Variants in STXBP6 observed in about 807,000 individuals in gnomAD.
STXBP6 encodes the protein syntaxin-binding protein 6.
Under a neutral mutation model 26.9 loss-of-function variants are expected in STXBP6, and 21 were observed. The ratio of observed to expected loss-of-function variants is 0.78; its 90% CI spans 0.55 to 1.12. The LOEUF (loss-of-function observed/expected upper bound fraction) is 1.12. STXBP6 is among the 50% of genes most tolerant of loss of function. The pLI is 0.00. For missense variants in STXBP6, 232 were observed against 257.9 expected, an observed-to-expected ratio of 0.90 and a Z score of 0.69; for synonymous variants, 97 against 92.6, an observed-to-expected ratio of 1.05 and a Z score of -0.27.
chr14:24,820,888 A>G (rs1594904590), intron 4 of STXBP6, among the ~76,000 whole-genome samples: 1 of 152,294 alleles, frequency 6.6e-6, no homozygotes, highest in Non-Finnish European at 1.5e-5. Context: ...CTTTGCAGAT[A>G]TGGTGTTGGT....
chr14:25,001,745 A>T (rs1340126173), intron 1 of STXBP6, among the ~76,000 whole-genome samples: 1 of 152,162 alleles, frequency 6.6e-6, no homozygotes, highest in Non-Finnish European at 1.5e-5. Flanking sequence ...GTCTCTTCAG[A>T]CTGTGTTTTT....
At chr14:24,844,209 C>T (rs1227417879) in intron 4 of STXBP6, among the ~76,000 whole-genome samples, 1 of 152,210 alleles carries the variant, frequency 6.6e-6, no homozygotes, top group African/African-American at 2.4e-5. Context: ...GGGACAGAAG[C>T]CGCTATGCTC....
chr14:24,847,213 G>A (rs1342282934), intron 4 of STXBP6, among the ~76,000 whole-genome samples: 1 of 152,126 alleles, frequency 6.6e-6, no homozygotes, highest in Non-Finnish European at 1.5e-5. Flanking sequence ...AGAATTTACA[G>A]CTTCTCTTCA....
At chr14:25,038,951 A>C (rs2075598324) in intron 1 of STXBP6, among the ~76,000 whole-genome samples, 1 of 152,198 alleles carries the variant, frequency 6.6e-6, no homozygotes, top group Admixed American at 6.5e-5. Flanking sequence ...ACTGTACAAC[A>C]CCATGATTAT....
chr14:24,951,380 T>C (rs1220322997), intron 2 of STXBP6, among the ~76,000 whole-genome samples: 1 of 57,166 alleles, frequency 1.7e-5, no homozygotes, highest in African/African-American at 8.3e-5. Context: ...TTCCTATTTC[T>C]CCACATCCTC....
chr14:24,841,487 C>G (rs758794364), intron 4 of STXBP6, among the ~76,000 whole-genome samples: 1 of 152,158 alleles, frequency 6.6e-6, no homozygotes, highest in Non-Finnish European at 1.5e-5. Context: ...TTTTAGCCAT[C>G]ATCTTTTCAA....
chr14:24,990,930 G>C (rs1433131447), intron 1 of STXBP6, among the ~76,000 whole-genome samples: 1 of 151,430 alleles, frequency 6.6e-6, no homozygotes, highest in East Asian at 1.9e-4. Flanking sequence ...ATGGAGGAGA[G>C]AGCAGAGGAG....
intron 2 of STXBP6, among the ~76,000 whole-genome samples, chr14:24,892,328 T>C (rs1241611): frequency 0.66 from 100,079 of 151,232 alleles, 33,194 homozygotes; most frequent in East Asian, 0.78. Flanking sequence ...AGGTGCAAAT[T>C]CTGATTTTAG....
At chr14:24,897,975 G>A (rs1158076332) in intron 2 of STXBP6, among the ~76,000 whole-genome samples, 1 of 152,168 alleles carries the variant, frequency 6.6e-6, no homozygotes. Context: ...AAAATCAGTG[G>A]TGAAGTCATG....
chr14:24,826,184 T>C (rs193021713), intron 4 of STXBP6, among the ~76,000 whole-genome samples: 7 of 152,342 alleles, frequency 4.6e-5, no homozygotes, highest in Admixed American at 3.3e-4. Context: ...TACACAATGC[T>C]ACTGGTTAAA....
chr14:25,003,100 CA>C (rs1487269987), intron 1 of STXBP6, among the ~76,000 whole-genome samples: 1 of 152,132 alleles, frequency 6.6e-6, no homozygotes, highest in Non-Finnish European at 1.5e-5. Context: ...TGACTTTCGG[CA>C]AAAGAATCTT....
At chr14:24,997,548 A>G (rs2074636521) in intron 1 of STXBP6, among the ~76,000 whole-genome samples, 2 of 152,238 alleles carry the variant, frequency 1.3e-5, no homozygotes, top group Admixed American at 6.5e-5. Flanking sequence ...ATAAACTCCT[A>G]GTGCTCAGTA....
intron 2 of STXBP6, among the ~76,000 whole-genome samples, chr14:24,942,608 C>T (rs1376007057): frequency 6.6e-6 from 1 of 152,216 alleles, no homozygotes; most frequent in East Asian, 1.9e-4. Context: ...TGTCTCCACG[C>T]TTTGCCCACT....
intron 1 of STXBP6, among the ~76,000 whole-genome samples, chr14:25,026,877 A>C (rs1424632314): frequency 1.2e-4 from 18 of 152,340 alleles, no homozygotes; most frequent in Non-Finnish European, 1.5e-5. Flanking sequence ...AAACAAAAAA[A>C]AAGTTCTTTC....
At chr14:24,871,939 C>T (rs1024819732) in intron 2 of STXBP6, among the ~76,000 whole-genome samples, 6 of 152,164 alleles carry the variant, frequency 3.9e-5, no homozygotes, top group African/African-American at 1.4e-4. Flanking sequence ...CTGGTGCCTC[C>T]ATCTGACTCC....
chr14:24,873,108 G>A (rs888741128), intron 2 of STXBP6, among the ~76,000 whole-genome samples: 1 of 151,880 alleles, frequency 6.6e-6, no homozygotes, highest in East Asian at 1.9e-4. Flanking sequence ...TAACGCAAAG[G>A]GAAGCTTCAG....
At position 25,049,537 on chromosome 14, in the gene STXBP6, G is replaced by A; in HGVS notation, c.-33+341C>T. On this transcript the variant is annotated intron_variant, in intron 1 of 5. Coordinates refer to ENST00000323944, the MANE Select transcript of STXBP6 (RefSeq NM_001394410.1). The surrounding 1 kb of genome is among the most constrained non-coding windows in gnomAD (Gnocchi z 5.6). The stretch of plus-strand genomic sequence containing the variant: ...TCGGGGCCCATGCCATCGCGGGGAC[G>A]GTGCGGAAAAAAAGGCTCCATCCTC... 1.0e-6 allele frequency: 1 copy of A among 985,424 alleles called. No homozygotes were observed. Among genetic ancestry groups the A allele is most frequent in the Non-Finnish European group, 1.2e-6 (1 of 830,014 alleles). The allele number at this position is 985,424 out of a possible 1,614,324, so 61.0% of individuals were successfully genotyped here.
chr14:24,915,605 C>T (rs1047929615), intron 2 of STXBP6, among the ~76,000 whole-genome samples: 2 of 152,134 alleles, frequency 1.3e-5, no homozygotes, highest in African/African-American at 4.8e-5. Context: ...TTAGCATAAA[C>T]TATGAGGTCA....
chr14:25,010,005 G>A (rs892163906), intron 1 of STXBP6, among the ~76,000 whole-genome samples: 6 of 152,056 alleles, frequency 3.9e-5, no homozygotes, highest in Non-Finnish European at 8.8e-5. Flanking sequence ...CTGAGCTCCC[G>A]GGCAAAGGAA....
Sources: allele counts gnomAD v4.1 joint callset (sites outside exome capture counted in the v4.1 genomes callset), GRCh38; gene constraint gnomAD v4.1.1; non-coding constraint Gnocchi (gnomAD v3.1); transcripts MANE v1.5; gene names NCBI Gene and HGNC (gene_info 2026-07-23, HGNC 2026-07-21).